Variants in LRP6 observed in about 807,000 individuals in gnomAD.
LRP6 encodes LDL receptor related protein 6, also known as low-density lipoprotein receptor-related protein 6.
A neutral mutation model predicts 184.1 loss-of-function variants in LRP6; 43 were observed. The observed-to-expected ratio is 0.23, with a 90% CI of 0.18 to 0.30. LRP6 has a LOEUF of 0.30. Among genes scored for constraint, LRP6 ranks in the 10% least tolerant of loss-of-function variants. The pLI, the probability that LRP6 is intolerant of heterozygous loss-of-function variation, is 1.00. For missense variants in LRP6, 1,571 were observed against 2,005.3 expected (o/e 0.78, Z 4.14); for synonymous variants, 719 against 684.9 (o/e 1.05, Z -0.78).
At position 12,205,338 on chromosome 12, in the gene LRP6, AAAAAAAAAAAAAAAAAAAG is replaced by A. The variant is rs1565646697; in HGVS notation, c.450-1957_450-1939del. Among the ~76,000 whole-genome samples the A allele has an allele frequency of 8.3e-3, 1,193 of 143,104 alleles. 11 individuals carry two copies. The highest frequency in any genetic ancestry group is 0.03 in the African/African-American group (1,129 of 37,076). The allele number at this position is 143,104 out of a possible 152,430, so 93.9% of individuals were successfully genotyped here. ...CTCTGTCTCAAACAAACAAAAAAAA[AAAAAAAAAAAAAAAAAAAG>A]AGGTAATGAGGGTGCTATGAAACAG... On this transcript the variant is annotated intron_variant, in intron 2 of 22. Transcript: ENST00000261349.
At chr12:12,203,088 T>C (rs1863959017) in intron 3 of LRP6, 115 bp downstream of exon 3, 1 of 689,958 alleles carries the variant, frequency 1.4e-6, no homozygotes, top group Non-Finnish European at 2.4e-6. Flanking sequence ...CTATTCTTCT[T>C]CCCCTCTGGC....
intron 12 of LRP6, chr12:12,155,194 TCAAACAAA>T (rs200217851): frequency 5.2e-6 from 3 of 578,106 alleles, no homozygotes; most frequent in Non-Finnish European, 3.2e-6. Context: ...AGACTCTGTC[TCAAACAAA>T]CAAACAAACA....
At chr12:12,170,450 G>T (rs1445260925) in intron 7 of LRP6, among the ~76,000 whole-genome samples, 6 of 148,048 alleles carry the variant, frequency 4.1e-5, no homozygotes, top group African/African-American at 1.5e-4. Context: ...GACATTTATG[G>T]TTTTTTTTTT....
At position 12,120,764 on chromosome 12, in the gene LRP6, A is replaced by G. The variant is rs1419425476; in HGVS notation, c.*362T>C. On this transcript the variant is annotated 3_prime_UTR_variant, in exon 23 of 23. Coordinates refer to ENST00000261349, the MANE Select transcript of LRP6 (RefSeq NM_002336.3). ...TTCCTCTTTTTTATTTTTGGTATCA[A>G]TAAAGCCCAGATATTCCTGGTCAGT... 1 of 163,368 alleles carries G rather than the reference A, an allele frequency of 6.1e-6. No homozygotes were observed. Among genetic ancestry groups the G allele is most frequent in the Non-Finnish European group, 1.3e-5 (1 of 75,668 alleles). The allele number at this position is 163,368 out of a possible 1,614,324, so 10.1% of individuals were successfully genotyped here.
chr12:12,210,285 G>A (rs1292026814), intron 2 of LRP6, among the ~76,000 whole-genome samples: 4 of 152,174 alleles, frequency 2.6e-5, no homozygotes, highest in Non-Finnish European at 5.9e-5. Flanking sequence ...AGAAAGGATA[G>A]ACTAGGATGG....
chr12:12,196,376 A>C (rs1863761769), intron 3 of LRP6, among the ~76,000 whole-genome samples: 1 of 151,868 alleles, frequency 6.6e-6, no homozygotes, highest in Non-Finnish European at 1.5e-5. Flanking sequence ...TTCTTTCATC[A>C]GTGTTTTGCA....
At chr12:12,157,609 T>C (rs1862623902) in intron 12 of LRP6, among the ~76,000 whole-genome samples, 1 of 152,196 alleles carries the variant, frequency 6.6e-6, no homozygotes, top group South Asian at 2.1e-4. Flanking sequence ...TCCTTTCTCT[T>C]TCACAACTGA....
At chr12:12,155,564 C>A in intron 12 of LRP6, 1 of 739,780 alleles carries the variant, frequency 1.4e-6, no homozygotes, top group Non-Finnish European at 2.4e-6. Context: ...CGCTAAGAGC[C>A]GAGATAGCTT....
chr12:12,228,857 T>C, intron 2 of LRP6, among the ~76,000 whole-genome samples: 1 of 152,026 alleles, frequency 6.6e-6, no homozygotes, highest in South Asian at 2.1e-4. Flanking sequence ...ACCACTGCTC[T>C]AGGGAAAGCA....
At position 12,215,781 on chromosome 12, in the gene LRP6, G is replaced by A. The variant is rs570229908; in HGVS notation, c.450-12381C>T. 1.9e-4 allele frequency among the ~76,000 whole-genome samples: 29 copies of A among 151,916 alleles called. No homozygotes were observed. The East Asian group carries it at 5.5e-3, about 29-fold the overall frequency. On this transcript the variant is annotated intron_variant, in intron 2 of 22. Transcript: ENST00000261349. ...AATCCCAACACTTTGGGAAGCCAAG[G>A]TGGGAGGATCACCTGAGGTCAGGAG...
Position 12,187,077 on chromosome 12 carries a change from C to T in LRP6, c.690G>A (p.Leu230=). The change falls in exon 4 of 23, where the codon TTG becomes TTA. Residue 230 remains leucine (L), a synonymous_variant. Transcript: ENST00000261349. The stretch of plus-strand genomic sequence containing the variant: ...AGTACAATATGTCCTCAAATAACGT[C>T]AAGGCAAAAGGATGTGGAAGGGAAC... The part of the protein sequence containing the change: ...VKGSLPHPFA[L]TLFEDILYWT... 1.9e-6 allele frequency: 3 copies of T among 1,614,156 alleles called. No homozygotes were observed. The highest frequency in any genetic ancestry group is 1.7e-6 in the Non-Finnish European group (2 of 1,180,028).
intron 15 of LRP6, among the ~76,000 whole-genome samples, chr12:12,139,239 T>C (rs578106516): frequency 6.6e-6 from 1 of 152,166 alleles, no homozygotes; most frequent in Non-Finnish European, 1.5e-5. Flanking sequence ...ACAAAGACAT[T>C]AGCTGATATT....
chr12:12,264,366 A>G (rs906732712), intron 1 of LRP6, among the ~76,000 whole-genome samples: 3 of 152,210 alleles, frequency 2.0e-5, no homozygotes, highest in Non-Finnish European at 4.4e-5. Context: ...CTAGACCAGA[A>G]CCACAAAGTT....
intron 7 of LRP6, among the ~76,000 whole-genome samples, chr12:12,178,807 G>C (rs1391626467): frequency 6.6e-6 from 1 of 152,176 alleles, no homozygotes; most frequent in Non-Finnish European, 1.5e-5. Flanking sequence ...TTCAGTATTT[G>C]AGCCTGGTGG....
chr12:12,163,990 C>T (rs946876927), intron 9 of LRP6, among the ~76,000 whole-genome samples: 2 of 152,040 alleles, frequency 1.3e-5, no homozygotes, highest in Non-Finnish European at 2.9e-5. Flanking sequence ...ATTAGCTGGG[C>T]GTCGTGGCAC....
chr12:12,184,555 A>G (rs1565615949), intron 4 of LRP6, among the ~76,000 whole-genome samples: 1 of 152,216 alleles, frequency 6.6e-6, no homozygotes, highest in Non-Finnish European at 1.5e-5. Flanking sequence ...GGAAGGATAG[A>G]TAAGAGGACA....
At chr12:12,234,479 A>T (rs1189025524) in intron 2 of LRP6, among the ~76,000 whole-genome samples, 1 of 152,058 alleles carries the variant, frequency 6.6e-6, no homozygotes, top group Admixed American at 6.6e-5. Flanking sequence ...TAAAAAGAAC[A>T]TGCAAAAGAG....
At position 12,125,378 on chromosome 12, in the gene LRP6, C is replaced by T. The variant is rs367658176; in HGVS notation, c.4367G>A (p.Ser1456Asn). ...ISSLSIMGGS[S>N]GPPYDRAHVT... is the part of the protein sequence containing the mutation. ...ATGGGCTCGGTCATAGGGGGGTCCA[C>T]TGCTTCCCCCCATGATACTGAGGGA... The change falls in exon 21 of 23, where the codon AGT (serine) becomes AAT (asparagine). Residue 1456 changes from serine (S) to asparagine (N), a missense_variant. Ser to Asn is a conservative substitution (Grantham distance 46). Transcript: ENST00000261349. 4.3e-6 allele frequency: 7 copies of T among 1,613,604 alleles called. 1 individual carries two copies. Among genetic ancestry groups the T allele is most frequent in the Non-Finnish European group, 5.1e-6 (6 of 1,179,692 alleles).
chr12:12,258,074 C>T (rs1865516157), intron 1 of LRP6, among the ~76,000 whole-genome samples: 1 of 152,052 alleles, frequency 6.6e-6, no homozygotes, highest in Non-Finnish European at 1.5e-5. Flanking sequence ...TATGAATATG[C>T]TGATTTTTTA....
Sources: allele counts gnomAD v4.1 joint callset (sites outside exome capture counted in the v4.1 genomes callset), GRCh38; gene constraint gnomAD v4.1.1; transcripts MANE v1.5; gene names NCBI Gene and HGNC (gene_info 2026-07-23, HGNC 2026-07-21).